Variants in NOTCH2NLA observed in about 807,000 individuals in gnomAD.
The protein encoded by NOTCH2NLA is notch homolog 2 N-terminal-like protein A.
In NOTCH2NLA at chr1:146,172,780, A is replaced by G. The variant is rs1434596988; in HGVS notation, c.39-7770T>C. On this transcript the variant is annotated intron_variant, in intron 2 of 4. Coordinates refer to ENST00000362074, the Ensembl canonical transcript of NOTCH2NLA. Reference sequence around the variant, plus strand: ...TAAGCCACTGTTATGTCTTTGCTGTACCTTTCTCAAACTCCCATCTAGATA... The same window carrying G: ...TAAGCCACTGTTATGTCTTTGCTGTGCCTTTCTCAAACTCCCATCTAGATA... Among the ~76,000 whole-genome samples the G allele has an allele frequency of 3.3e-5, 5 of 149,852 alleles. No homozygotes were observed. In the East Asian group the frequency reaches 9.6e-4, roughly 29 times the overall value.
intron 2 of NOTCH2NLA, among the ~76,000 whole-genome samples, chr1:146,171,422 C>T (rs1661974594): frequency 7.2e-6 from 1 of 139,426 alleles, no homozygotes; most frequent in Non-Finnish European, 1.7e-5. Context: ...CAGAGCGAGA[C>T]TCCCTCTCAA....
intron 2 of NOTCH2NLA, among the ~76,000 whole-genome samples, chr1:146,181,296 TAAG>T (rs1171806995): frequency 1.9e-4 from 4 of 20,886 alleles, no homozygotes; most frequent in Non-Finnish European, 5.5e-4. Flanking sequence ...TGCTATGTGT[TAAG>T]AAGCTACTAA....
At chr1:146,170,788 C>T (rs71227495) in intron 2 of NOTCH2NLA, among the ~76,000 whole-genome samples, 23 of 112,510 alleles carry the variant, frequency 2.0e-4, no homozygotes, top group African/African-American at 6.7e-4. Flanking sequence ...TTCTCTTACA[C>T]GTAGCCCTTC....
chr1:146,228,908 C>T lies in NOTCH2NLA; in HGVS notation c.-244G>A, dbSNP rs1447255204. 6.8e-6 allele frequency: 10 copies of T among 1,468,950 alleles called. 1 individual carries two copies. Among genetic ancestry groups the T allele is most frequent in the Non-Finnish European group, 8.0e-6 (9 of 1,119,022 alleles). 91.0% of individuals were successfully genotyped at this position (1,468,950 alleles called of 1,614,324 possible). A position where few individuals can be genotyped will look rare whatever the true frequency, so the allele number is the denominator to read the frequency against. On this transcript the variant is annotated 5_prime_UTR_variant, in exon 1 of 5. Coordinates refer to ENST00000362074, the Ensembl canonical transcript of NOTCH2NLA. ...CCTGCTTCAAAGGCTCAGGCCCTGGCGCTACGCTCCGAAGCCCAGCGCAAA... is the reference window on the plus strand; with the variant it reads ...CCTGCTTCAAAGGCTCAGGCCCTGGTGCTACGCTCCGAAGCCCAGCGCAAA...
chr1:146,182,398 C>T (rs1192014692), intron 2 of NOTCH2NLA, among the ~76,000 whole-genome samples: 1 of 138,318 alleles, frequency 7.2e-6, no homozygotes, highest in African/African-American at 2.5e-5. Context: ...TATAGTCTCT[C>T]TCTCACATGA....
At chr1:146,158,205 G>A (rs1240647629) in intron 3 of NOTCH2NLA, among the ~76,000 whole-genome samples, 2 of 150,936 alleles carry the variant, frequency 1.3e-5, no homozygotes, top group East Asian at 1.9e-4. Context: ...TAGGGTACAC[G>A]TGCACAACAT....
exon 1 of NOTCH2NLA, chr1:146,228,898 C>G: frequency 6.8e-7 from 1 of 1,470,862 alleles, no homozygotes; most frequent in Non-Finnish European, 8.9e-7. Flanking sequence ...TTCAAAGGCT[C>G]AGGCCCTGGC....
At chr1:146,160,150 T>C (rs1394829893) in intron 3 of NOTCH2NLA, among the ~76,000 whole-genome samples, 1 of 11,028 alleles carries the variant, frequency 9.1e-5, no homozygotes, top group Non-Finnish European at 2.6e-4. Context: ...TTTAAGTGGG[T>C]ATATGCCCCC....
At chr1:146,158,067 A>C (rs1437249237) in intron 3 of NOTCH2NLA, among the ~76,000 whole-genome samples, 7 of 150,190 alleles carry the variant, frequency 4.7e-5, no homozygotes, top group Non-Finnish European at 1.0e-4. Flanking sequence ...ATATCCTCAC[A>C]GAACTAGTAA....
intron 2 of NOTCH2NLA, among the ~76,000 whole-genome samples, chr1:146,183,218 CCTCT>C (rs1324150195): frequency 2.3e-4 from 26 of 114,538 alleles, no homozygotes; most frequent in African/African-American, 6.6e-4. Context: ...TTACTCTGAA[CCTCT>C]CTAAGAAGCC....
intron 2 of NOTCH2NLA, among the ~76,000 whole-genome samples, chr1:146,180,498 C>T (rs1226403353): frequency 7.0e-6 from 1 of 142,160 alleles, no homozygotes; most frequent in Non-Finnish European, 1.6e-5. Flanking sequence ...TAAGAATTGG[C>T]AATACATTTT....
Position 146,161,813 on chromosome 1 carries a change from T to A in NOTCH2NLA, c.298+2938A>T, listed in dbSNP as rs1327261077. On this transcript the variant is annotated intron_variant, in intron 3 of 4. Transcript: ENST00000362074. ...TCAGTCTACTACTCCAGAACGGAGG[T>A]AAGAAAGAGTATTCATGGAATACAG... is the stretch of plus-strand genomic sequence containing the variant. Among the ~76,000 whole-genome samples, 2 of 56,260 alleles carry A rather than the reference T, an allele frequency of 3.6e-5. 1 individual carries two copies. The highest frequency in any genetic ancestry group is 2.4e-4 in the African/African-American group (2 of 8,356). The allele number at this position is 56,260 out of a possible 152,430, so 36.9% of individuals were successfully genotyped here.
exon 4 of NOTCH2NLA, chr1:146,156,728 CAGG>C (rs782342806): frequency 1.6e-5 from 7 of 435,114 alleles, no homozygotes; most frequent in South Asian, 1.1e-4. Context: ...GAGGCATTTG[CAGG>C]AGAACTGGTT....
At chr1:146,159,758 A>G (rs1661397196) in intron 3 of NOTCH2NLA, among the ~76,000 whole-genome samples, 1 of 103,988 alleles carries the variant, frequency 9.6e-6, no homozygotes. Flanking sequence ...TCATGAGGTC[A>G]GGCGATCCAG....
Position 146,219,719 on chromosome 1 carries a change from T to A in NOTCH2NLA, c.-45+8990A>T, listed in dbSNP as rs1236833892. Among the ~76,000 whole-genome samples, 4 of 92,356 alleles carry A rather than the reference T, an allele frequency of 4.3e-5. 1 individual carries two copies. Among genetic ancestry groups the A allele is most frequent in the African/African-American group, 1.8e-4 (3 of 16,656 alleles). 60.6% of individuals were successfully genotyped at this position (92,356 alleles called of 152,430 possible). On this transcript the variant is annotated intron_variant, in intron 1 of 4. Coordinates refer to ENST00000362074, the Ensembl canonical transcript of NOTCH2NLA. ...CCACTTATCAAATGGTAAAGATTTT[T>A]AAAAATAAAACCTAGTGTTGACAAT...
At chr1:146,186,845 C>T (rs1662791199) in intron 2 of NOTCH2NLA, among the ~76,000 whole-genome samples, 2 of 134,726 alleles carry the variant, frequency 1.5e-5, no homozygotes, top group Non-Finnish European at 3.4e-5. Flanking sequence ...ACCCTGAATG[C>T]TATGTGAAAT....
intron 1 of NOTCH2NLA, among the ~76,000 whole-genome samples, chr1:146,219,900 T>A (rs868920129): frequency 1.5e-4 from 12 of 78,464 alleles, no homozygotes; most frequent in African/African-American, 8.8e-4. Flanking sequence ...GCAGCATGAT[T>A]GTGGACATTT....
At chr1:146,161,901 C>T (rs1553804551) in intron 3 of NOTCH2NLA, among the ~76,000 whole-genome samples, 1 of 94,832 alleles carries the variant, frequency 1.1e-5, no homozygotes, top group Non-Finnish European at 2.0e-5. Flanking sequence ...TGGGCAACTA[C>T]AACAGCCCAA....
In NOTCH2NLA at chr1:146,187,498, T is replaced by C. The variant is rs1282025086; in HGVS notation, c.38+1802A>G. Among the ~76,000 whole-genome samples, 10 of 135,900 alleles carry C rather than the reference T, an allele frequency of 7.4e-5. 1 individual carries two copies. Among genetic ancestry groups the C allele is most frequent in the African/African-American group, 2.5e-4 (10 of 40,140 alleles). 89.2% of individuals were successfully genotyped at this position (135,900 alleles called of 152,430 possible). A position where few individuals can be genotyped will look rare whatever the true frequency, so the allele number is the denominator to read the frequency against. On this transcript the variant is annotated intron_variant, in intron 2 of 4. Transcript: ENST00000362074. ...AGAACCAGTGTCTTCTTATTTAACA[T>C]AAATAGATAAGAAACATGTGCATGA...
Sources: gnomAD v4.1 joint callset for allele counts (sites outside exome capture counted in the v4.1 genomes callset) on GRCh38, gnomAD v4.1.1 for gene constraint, MANE v1.5 for transcripts, NCBI Gene and HGNC (gene_info 2026-07-23, HGNC 2026-07-21) for gene names.